WSCD1: variants seen among roughly 807,000 people sequenced by gnomAD.
WSCD1 encodes the protein WSC domain sialate O sulfotransferase 1.
WSCD1 carries 41 observed loss-of-function variants against 60.4 expected under a neutral mutation model. The observed-to-expected ratio is 0.68, with a 90% confidence interval of 0.53 to 0.88. The LOEUF (loss-of-function observed/expected upper bound fraction) is 0.88. WSCD1 is among the 40% of genes least tolerant of loss of function. The pLI is 0.00. For synonymous variants in WSCD1, 361 were observed against 332.5 expected, an observed-to-expected ratio of 1.09 and a Z score of -0.93; for missense variants, 784 against 796.2, an observed-to-expected ratio of 0.98 and a Z score of 0.18.
intron 7 of WSCD1, among the ~76,000 whole-genome samples, chr17:6,116,111 A>G (rs1911673107): frequency 6.6e-6 from 1 of 152,132 alleles, no homozygotes; most frequent in Admixed American, 6.5e-5. Flanking sequence ...TGAGGGAGGA[A>G]GTGGCCACAT....
At chr17:6,098,152 G>A (rs1349621966) in intron 5 of WSCD1, among the ~76,000 whole-genome samples, 3 of 115,192 alleles carry the variant, frequency 2.6e-5, no homozygotes, top group Admixed American at 8.1e-5. Flanking sequence ...ACAGGGGGGC[G>A]GGGTGGGGGG....
chr17:6,070,038 C>G (rs1299866087), upstream of WSCD1, among the ~76,000 whole-genome samples: 1 of 151,502 alleles, frequency 6.6e-6, no homozygotes, highest in South Asian at 2.1e-4. Flanking sequence ...GCGGCGTGCT[C>G]TCCTCTGCGC....
At chr17:6,108,651 C>G (rs779238799) in intron 5 of WSCD1, among the ~76,000 whole-genome samples, 2 of 152,228 alleles carry the variant, frequency 1.3e-5, no homozygotes, top group Non-Finnish European at 2.9e-5. Context: ...TCACCTTAAA[C>G]CTACAAGGCA....
chr17:6,084,072 C>G (rs1306806215), intron 2 of WSCD1, among the ~76,000 whole-genome samples: 1 of 151,788 alleles, frequency 6.6e-6, no homozygotes, highest in Non-Finnish European at 1.5e-5. Flanking sequence ...TGCCCTGGGC[C>G]GCTGGGGTGC....
chr17:6,095,293 C>T (rs1910349135), intron 5 of WSCD1, 70 bp downstream of exon 5: 2 of 1,524,464 alleles, frequency 1.3e-6, no homozygotes, highest in Non-Finnish European at 1.8e-6. Context: ...GAGGGGGGCA[C>T]ATGTGCTGGG....
chr17:6,109,873 G>A (rs1335423906), intron 6 of WSCD1, 107 bp downstream of exon 6: 3 of 1,445,768 alleles, frequency 2.1e-6, no homozygotes, highest in Non-Finnish European at 1.9e-6. Flanking sequence ...TATGAGGTAT[G>A]GCATGTGTCT....
At chr17:6,117,517 C>T (rs1239623106) in intron 7 of WSCD1, among the ~76,000 whole-genome samples, 1 of 152,246 alleles carries the variant, frequency 6.6e-6, no homozygotes, top group Admixed American at 6.5e-5. Context: ...GGAGAGAGCC[C>T]TGGCGCTGTT....
chr17:6,072,073 A>G (rs1908578917), intron 1 of WSCD1, among the ~76,000 whole-genome samples: 1 of 152,172 alleles, frequency 6.6e-6, no homozygotes, highest in South Asian at 2.1e-4. Flanking sequence ...CAGCAGGGCC[A>G]TTTCCACAGC....
chr17:6,096,746 T>C (rs1043877571), intron 5 of WSCD1, among the ~76,000 whole-genome samples: 1 of 152,210 alleles, frequency 6.6e-6, no homozygotes, highest in African/African-American at 2.4e-5. Context: ...GCCCTGCTGG[T>C]GCTCTCAGGA....
intron 5 of WSCD1, among the ~76,000 whole-genome samples, chr17:6,105,707 T>G (rs1048344993): frequency 6.6e-6 from 1 of 152,160 alleles, no homozygotes; most frequent in African/African-American, 2.4e-5. Context: ...GGCAGCCCAT[T>G]CTCCAGTCCT....
chr17:6,111,448 C>G (rs1394964286), intron 7 of WSCD1, among the ~76,000 whole-genome samples: 2 of 152,176 alleles, frequency 1.3e-5, no homozygotes, highest in East Asian at 1.9e-4. Flanking sequence ...CGCCTGTAAT[C>G]CTAACACTTT....
At chr17:6,105,105 A>G (rs758331544) in intron 5 of WSCD1, among the ~76,000 whole-genome samples, 18 of 152,180 alleles carry the variant, frequency 1.2e-4, no homozygotes, top group Non-Finnish European at 2.1e-4. Context: ...AGCCTCCCGC[A>G]TGTGGATCCC....
At chr17:6,097,089 C>T (rs563790846) in intron 5 of WSCD1, among the ~76,000 whole-genome samples, 12 of 152,356 alleles carry the variant, frequency 7.9e-5, no homozygotes, top group Admixed American at 2.0e-4. Flanking sequence ...CTCCTGATGC[C>T]ACACACAGCC....
chr17:6,102,680 T>G (rs1375321659), intron 5 of WSCD1, among the ~76,000 whole-genome samples: 2 of 152,230 alleles, frequency 1.3e-5, no homozygotes, highest in African/African-American at 4.8e-5. Flanking sequence ...GTAATTTGTT[T>G]TATAAACATT....
chr17:6,095,274 G>A lies in WSCD1; in HGVS notation c.849+51G>A, dbSNP rs376973672. 23 of 1,570,614 alleles carry A rather than the reference G, an allele frequency of 1.5e-5. No individual in the cohort carries two copies. The African/African-American group carries it at 3.0e-4, about 20-fold the overall frequency. On this transcript the variant is annotated intron_variant, in intron 5 of 8. Coordinates refer to ENST00000317744, the MANE Select transcript of WSCD1 (RefSeq NM_015253.2). ...CCCTTTCCTTTAAGTGTGTGTGGTG[G>A]TCCTGAGAGAGGGGGGCACATGTGC...
Position 6,118,107 on chromosome 17 carries a change from T to A in WSCD1, c.1294T>A (p.Tyr432Asn), listed in dbSNP as rs1273181127. 1 of 1,614,044 alleles carries A rather than the reference T, an allele frequency of 6.2e-7. No individual in the cohort carries two copies. The highest frequency in any genetic ancestry group is 2.2e-5 in the East Asian group (1 of 44,868). Residue 432 changes from tyrosine to asparagine, a missense_variant, in exon 8 of 9, where the codon TAC (tyrosine) becomes AAC (asparagine). Transcript: ENST00000317744. This position sits in a 1 kb window ranked among gnomAD's most constrained non-coding sequence, Gnocchi z 5.8. ...DSAILLIRNP[Y>N]RSLVAEFNRK... ...AGCCATCCTGCTAATCCGGAACCCATACAGGTCCCTGGTGGCAGAATTCAA... is the reference window on the plus strand; with the variant it reads ...AGCCATCCTGCTAATCCGGAACCCAAACAGGTCCCTGGTGGCAGAATTCAA...
intron 7 of WSCD1, 145 bp from the exon 8 acceptor site, chr17:6,117,843 C>T (rs1425312365): frequency 2.7e-5 from 21 of 773,980 alleles, no homozygotes; most frequent in Admixed American, 1.0e-4. Context: ...CTATCACCAT[C>T]CATAGGTCCT....
Position 6,111,340 on chromosome 17 carries a change from A to G in WSCD1, c.1174+405A>G, listed in dbSNP as rs142589001. ...AGTCTTTTCCTATGAAAGCTGCTCC[A>G]TAAAATTGGAAGAGGTGACTGTTCC... On this transcript the variant is annotated intron_variant, in intron 7 of 8. Transcript: ENST00000317744. Among the ~76,000 whole-genome samples the G allele has an allele frequency of 6.5e-4, 99 of 152,324 alleles. 1 individual carries two copies. Among genetic ancestry groups the G allele is most frequent in the African/African-American group, 2.0e-3 (83 of 41,580 alleles).
At chr17:6,114,080 G>T (rs1184114785) in intron 7 of WSCD1, among the ~76,000 whole-genome samples, 1 of 149,970 alleles carries the variant, frequency 6.7e-6, no homozygotes, top group African/African-American at 2.5e-5. Flanking sequence ...GCCAAGGTAT[G>T]GAATCAACCT....
Sources: allele counts gnomAD v4.1 joint callset (sites outside exome capture counted in the v4.1 genomes callset), GRCh38; gene constraint gnomAD v4.1.1; non-coding constraint Gnocchi (gnomAD v3.1); transcripts MANE v1.5; gene names NCBI Gene and HGNC (gene_info 2026-07-23, HGNC 2026-07-21).